Variants in CTSS observed in about 807,000 individuals in gnomAD.
The protein encoded by CTSS is cathepsin S.
In CTSS, 15 loss-of-function variants were observed where a neutral mutation model predicts 39.9. The observed-to-expected ratio is 0.38, with a 90% CI of 0.25 to 0.58. CTSS has a LOEUF of 0.58. CTSS is among the 20% of genes least tolerant of loss of function. The pLI is 0.70. For synonymous variants in CTSS, 126 were observed against 138.2 expected, an observed-to-expected ratio of 0.91 and a Z score of 0.62; for missense variants, 250 against 398.2, an observed-to-expected ratio of 0.63 and a Z score of 3.17.
chr1:150,760,878 C>A (rs1157210465), intron 2 of CTSS, among the ~76,000 whole-genome samples: 86 of 143,350 alleles, frequency 6.0e-4, no homozygotes, highest in Admixed American at 5.6e-3. Flanking sequence ...AAGATCTCAT[C>A]TCAAAAAAAA....
At chr1:150,762,077 G>A (rs1653278824) in intron 2 of CTSS, among the ~76,000 whole-genome samples, 2 of 152,178 alleles carry the variant, frequency 1.3e-5, no homozygotes, top group Non-Finnish European at 2.9e-5. Flanking sequence ...CATAGAAACA[G>A]ACACATTTAC....
intron 1 of CTSS, among the ~76,000 whole-genome samples, chr1:150,765,201 T>C (rs1653346464): frequency 6.6e-6 from 1 of 152,050 alleles, no homozygotes; most frequent in African/African-American, 2.4e-5. Context: ...CTGACCTGTT[T>C]AAATATCCAC....
chr1:150,748,914 A>C (rs1467614878), intron 6 of CTSS, among the ~76,000 whole-genome samples: 1 of 152,178 alleles, frequency 6.6e-6, no homozygotes, highest in Non-Finnish European at 1.5e-5. Context: ...TGTTATGGTC[A>C]TCTGTGATCA....
chr1:150,757,200 C>T (rs901427746), intron 3 of CTSS, among the ~76,000 whole-genome samples: 4 of 152,126 alleles, frequency 2.6e-5, no homozygotes, highest in African/African-American at 9.7e-5. Flanking sequence ...GCTAGGCACC[C>T]TCATGGGGAA....
chr1:150,736,543 G>A (rs941869238), intron 7 of CTSS, among the ~76,000 whole-genome samples: 1 of 152,060 alleles, frequency 6.6e-6, no homozygotes, highest in African/African-American at 2.4e-5. Flanking sequence ...ATCATTTTAG[G>A]TGAACTGAAT....
chr1:150,749,904 C>CT (rs1440273713), intron 6 of CTSS, 102 bp downstream of exon 6: 2 of 1,008,692 alleles, frequency 2.0e-6, no homozygotes, highest in Non-Finnish European at 2.8e-6. Context: ...ATCCTCCCAC[C>CT]TCAGCCTCCA....
intron 3 of CTSS, among the ~76,000 whole-genome samples, chr1:150,755,881 G>A (rs1407231738): frequency 1.3e-5 from 2 of 151,984 alleles, no homozygotes; most frequent in African/African-American, 2.4e-5. Flanking sequence ...TTATAAACAC[G>A]GTGCACTTTG....
At chr1:150,749,863 C>T (rs1269546739) in intron 6 of CTSS, 143 bp downstream of exon 6, 7 of 606,362 alleles carry the variant, frequency 1.2e-5, no homozygotes, top group East Asian at 1.1e-4. Flanking sequence ...CGATGTTGCT[C>T]AGGCTGGTGT....
intron 7 of CTSS, among the ~76,000 whole-genome samples, chr1:150,745,421 G>C (rs1028661639): frequency 6.6e-6 from 1 of 152,178 alleles, no homozygotes; most frequent in African/African-American, 2.4e-5. Context: ...AGTGCTCTGG[G>C]AGACCAAAGC....
chr1:150,759,598 T>C (rs190215254), intron 2 of CTSS, among the ~76,000 whole-genome samples: 3 of 152,338 alleles, frequency 2.0e-5, no homozygotes, highest in African/African-American at 7.2e-5. Flanking sequence ...TTAGTGTGCA[T>C]ATTATTCCTT....
rs771192821 is a variant in CTSS at position 150,764,684 on chromosome 1, T to C, written c.80A>G (p.His27Arg). The C allele has an allele frequency of 1.2e-6, 2 of 1,614,176 alleles. No homozygotes were observed. Among genetic ancestry groups the C allele is most frequent in the Non-Finnish European group, 1.7e-6 (2 of 1,180,008 alleles). The change falls in exon 2 of 8, where the codon CAC (histidine) becomes CGC (arginine). Residue 27 changes from histidine (H) to arginine (R), a missense_variant. Transcript: ENST00000368985. ...QLHKDPTLDHHWHLWKKTYGK... is the reference protein window; with the variant it reads ...QLHKDPTLDHRWHLWKKTYGK... ...ATAGGTTTTCTTCCAGAGATGCCAG[T>C]GGTGATCCAGGGTAGGATCTTTATG...
At chr1:150,748,974 C>G (rs919590765) in intron 6 of CTSS, among the ~76,000 whole-genome samples, 2 of 152,150 alleles carry the variant, frequency 1.3e-5, no homozygotes, top group Non-Finnish European at 2.9e-5. Flanking sequence ...ACAAACCACA[C>G]CTATATAAGA....
chr1:150,737,054 T>G (rs1379317554), intron 7 of CTSS, among the ~76,000 whole-genome samples: 4 of 152,196 alleles, frequency 2.6e-5, no homozygotes, highest in Non-Finnish European at 4.4e-5. Flanking sequence ...TAGCTATTTT[T>G]ATTATTATCC....
intron 7 of CTSS, among the ~76,000 whole-genome samples, chr1:150,739,710 G>A (rs1406766644): frequency 6.8e-5 from 9 of 133,064 alleles, no homozygotes; most frequent in African/African-American, 2.4e-4. Context: ...AAAGAAAGAA[G>A]AAAAAAGTAA....
At chr1:150,765,300 T>A (rs12061988) in intron 1 of CTSS, among the ~76,000 whole-genome samples, 2 of 149,424 alleles carry the variant, frequency 1.3e-5, no homozygotes, top group African/African-American at 2.5e-5. Flanking sequence ...TTTTTTTTTT[T>A]AATGATCAGA....
At position 150,746,414 on chromosome 1, in the gene CTSS, G is replaced by C. The variant is rs587730535; in HGVS notation, c.896+1363C>G. Among the ~76,000 whole-genome samples the C allele has an allele frequency of 2.0e-5, 3 of 152,178 alleles. No individual in the cohort carries two copies. In the East Asian group the frequency reaches 5.8e-4, roughly 29 times the overall value. ...ATGTCAGTTCAATACATATATTGAG[G>C]GGCCTTTAGGTGCCACCCACTTAGT... On this transcript the variant is annotated intron_variant, in intron 7 of 7. Transcript: ENST00000368985.
chr1:150,764,728 G>C lies in CTSS; in HGVS notation c.36C>G (p.Ser12=). ...KRLVCVLLVC[S]SAVAQLHKDP... Reference sequence around the variant, plus strand: ...CTTTATGCAACTGTGCCACTGCAGAGGAGCACACCAAGAGCACACAAACCA... The same window carrying C: ...CTTTATGCAACTGTGCCACTGCAGACGAGCACACCAAGAGCACACAAACCA... Residue 12 remains serine, a synonymous_variant, in exon 2 of 8, where the codon TCC becomes TCG. Transcript: ENST00000368985. 1 of 1,614,060 alleles carries C rather than the reference G, an allele frequency of 6.2e-7. No homozygotes were observed. The highest frequency in any genetic ancestry group is 1.1e-5 in the South Asian group (1 of 91,088).
intron 2 of CTSS, among the ~76,000 whole-genome samples, chr1:150,763,161 G>A (rs1444056096): frequency 1.3e-5 from 2 of 151,594 alleles, no homozygotes; most frequent in Admixed American, 1.3e-4. Flanking sequence ...TCTAGAGAAC[G>A]TTATGCTAAG....
At chr1:150,747,722 C>T (rs1423034028) in intron 7 of CTSS, 55 bp downstream of exon 7, 4 of 1,151,150 alleles carry the variant, frequency 3.5e-6, no homozygotes, top group East Asian at 2.4e-5. Flanking sequence ...AGAGTATTTG[C>T]TGAAACTCCC....
Sources: allele counts gnomAD v4.1 joint callset (sites outside exome capture counted in the v4.1 genomes callset), GRCh38; gene constraint gnomAD v4.1.1; transcripts MANE v1.5; gene names NCBI Gene and HGNC (gene_info 2026-07-23, HGNC 2026-07-21).